The following SGCD variants were observed in gnomAD, a reference collection of about 807,000 sequenced individuals.
The protein encoded by SGCD is sarcoglycan delta, also known as delta-sarcoglycan.
A neutral mutation model predicts 36.6 loss-of-function variants in SGCD; 18 were observed. That is an observed-to-expected ratio of 0.49 (90% confidence interval 0.34 to 0.73). The LOEUF (loss-of-function observed/expected upper bound fraction) is 0.73, where lower values mean the gene tolerates loss of function less well. SGCD is among the 30% of genes least tolerant of loss of function. The pLI is 0.01. For missense variants in SGCD, 387 were observed against 346.7 expected, an observed-to-expected ratio of 1.12 and a Z score of -0.92; for synonymous variants, 133 against 130.6, an observed-to-expected ratio of 1.02 and a Z score of -0.12.
chr5:156,204,466 A>G (rs369142921), intron 3 of SGCD, among the ~76,000 whole-genome samples: 28 of 108,582 alleles, frequency 2.6e-4, no homozygotes, highest in Middle Eastern at 8.8e-3. Flanking sequence ...TTTAGCCAAC[A>G]CACTCATACA....
At chr5:156,131,021 G>A (rs533927370) in intron 3 of SGCD, among the ~76,000 whole-genome samples, 26 of 152,136 alleles carry the variant, frequency 1.7e-4, no homozygotes, top group Admixed American at 2.6e-4. Context: ...GAGCCACCAC[G>A]CCCGGCCAGC....
At chr5:156,497,453 A>G (rs1452818387) in intron 3 of SGCD, among the ~76,000 whole-genome samples, 1 of 152,202 alleles carries the variant, frequency 6.6e-6, no homozygotes, top group Non-Finnish European at 1.5e-5. Context: ...ACCATGAAAT[A>G]TGGAAAGCAT....
At chr5:155,872,316 C>G (rs1194898442) in intron 1 of SGCD, among the ~76,000 whole-genome samples, 1 of 151,612 alleles carries the variant, frequency 6.6e-6, no homozygotes, top group Non-Finnish European at 1.5e-5. Context: ...GCTCAGGACA[C>G]AATGCCTTGC....
chr5:156,366,958 A>T (rs1770140371), intron 3 of SGCD, among the ~76,000 whole-genome samples: 1 of 152,246 alleles, frequency 6.6e-6, no homozygotes, highest in Non-Finnish European at 1.5e-5. Context: ...CTATAAAGAA[A>T]TCTAAGATGC....
the SGCD span, among the ~76,000 whole-genome samples, chr5:155,795,711 G>T: frequency 3.3e-5 from 5 of 152,028 alleles, 1 homozygote; most frequent in South Asian, 6.2e-4. Flanking sequence ...GACTAAAATT[G>T]TCTCACTATT....
chr5:155,925,921 CT>C (rs113991178), intron 1 of SGCD, among the ~76,000 whole-genome samples: 21,027 of 149,736 alleles, frequency 0.14, 2,162 homozygotes, highest in Admixed American at 0.35. Flanking sequence ...CACCTGGCAA[CT>C]TTTTTTTTTT....
chr5:156,089,506 G>A (rs905923684), intron 1 of SGCD, among the ~76,000 whole-genome samples: 2 of 152,212 alleles, frequency 1.3e-5, no homozygotes, highest in Non-Finnish European at 2.9e-5. Flanking sequence ...ACTTCCTTCA[G>A]TAATGCTTTG....
the SGCD span, among the ~76,000 whole-genome samples, chr5:155,828,903 T>G: frequency 2.6e-5 from 4 of 152,070 alleles, no homozygotes; most frequent in Non-Finnish European, 5.9e-5. Context: ...GTCAGGCTAG[T>G]CTGAAACTCC....
At chr5:156,683,891 AG>A (rs1196698201) in intron 7 of SGCD, among the ~76,000 whole-genome samples, 2 of 152,248 alleles carry the variant, frequency 1.3e-5, no homozygotes, top group African/African-American at 4.8e-5. Context: ...TTCTAATTCA[AG>A]GGAAACTTTC....
At chr5:155,819,601 G>A in the SGCD span, among the ~76,000 whole-genome samples, 1 of 152,166 alleles carries the variant, frequency 6.6e-6, no homozygotes, top group East Asian at 1.9e-4. Flanking sequence ...TGAGAATGCT[G>A]AGGTATAGAT....
intron 3 of SGCD, among the ~76,000 whole-genome samples, chr5:156,353,290 G>A (rs1260284147): frequency 6.6e-6 from 1 of 152,174 alleles, no homozygotes. Context: ...ATAAAGATGG[G>A]TTAATAGAGC....
chr5:155,841,906 AT>A, the SGCD span, among the ~76,000 whole-genome samples: 1 of 152,108 alleles, frequency 6.6e-6, no homozygotes, highest in Non-Finnish European at 1.5e-5. Flanking sequence ...AAACACAATG[AT>A]TCTTCTGGTG....
intron 2 of SGCD, among the ~76,000 whole-genome samples, chr5:156,343,237 A>G (rs1382650375): frequency 1.3e-5 from 2 of 152,166 alleles, no homozygotes; most frequent in Admixed American, 6.5e-5. Context: ...ATTTATTGCT[A>G]TTGGCTGAGA....
intron 3 of SGCD, among the ~76,000 whole-genome samples, chr5:156,269,568 C>T (rs1766115018): frequency 6.7e-6 from 1 of 149,980 alleles, no homozygotes; most frequent in Admixed American, 6.7e-5. Context: ...AAAGGCTGGC[C>T]CCTATGATTC....
chr5:156,404,591 A>T (rs1772317187), intron 3 of SGCD, among the ~76,000 whole-genome samples: 1 of 152,096 alleles, frequency 6.6e-6, no homozygotes, highest in East Asian at 1.9e-4. Context: ...CTCACTCCTC[A>T]TGTCATACAG....
chr5:156,717,700 C>T (rs1755290060), intron 7 of SGCD, among the ~76,000 whole-genome samples: 1 of 152,174 alleles, frequency 6.6e-6, no homozygotes, highest in African/African-American at 2.4e-5. Flanking sequence ...CACTGTCTCC[C>T]TCCCCTAATC....
At chr5:155,913,660 G>A (rs1312677969) in intron 1 of SGCD, among the ~76,000 whole-genome samples, 9 of 152,062 alleles carry the variant, frequency 5.9e-5, no homozygotes. Context: ...AGTCAGAAAA[G>A]TGTCATTCTC....
At chr5:156,279,947 G>A (rs1387437272) in intron 3 of SGCD, among the ~76,000 whole-genome samples, 3 of 151,660 alleles carry the variant, frequency 2.0e-5, no homozygotes, top group Admixed American at 6.6e-5. Context: ...TGGAGCATAA[G>A]TTACATACTA....
chr5:155,888,994 G>A (rs900952926), intron 1 of SGCD, among the ~76,000 whole-genome samples: 7 of 152,078 alleles, frequency 4.6e-5, no homozygotes, highest in African/African-American at 1.4e-4. Flanking sequence ...TGGCTTTCAC[G>A]AAGTGACTTT....
Sources: gnomAD v4.1 joint callset for allele counts (sites outside exome capture counted in the v4.1 genomes callset) on GRCh38, gnomAD v4.1.1 for gene constraint, MANE v1.5 for transcripts, NCBI Gene and HGNC (gene_info 2026-07-23, HGNC 2026-07-21) for gene names.